The following PTPRN2 variants were observed in gnomAD, a reference collection of about 807,000 sequenced individuals.
The protein encoded by PTPRN2 is receptor-type tyrosine-protein phosphatase N2.
Under a neutral mutation model 118.8 loss-of-function variants are expected in PTPRN2, and 74 were observed. That is an observed-to-expected ratio of 0.62 (90% confidence interval 0.52 to 0.76). The LOEUF (loss-of-function observed/expected upper bound fraction) is 0.76, where lower values mean the gene tolerates loss of function less well. Among genes scored for constraint, PTPRN2 ranks in the 30% least tolerant of loss-of-function variants. PTPRN2 has a pLI of 0.00. For missense variants in PTPRN2, 1,481 were observed against 1,394.4 expected (o/e 1.06, Z -0.99); for synonymous variants, 641 against 608.0 (o/e 1.05, Z -0.80).
chr7:158,130,835 T>TAC (rs1331198415), intron 9 of PTPRN2, among the ~76,000 whole-genome samples: 1 of 143,044 alleles, frequency 7.0e-6, no homozygotes, highest in Admixed American at 7.0e-5. Flanking sequence ...CACACGTACA[T>TAC]ACACACACAT....
chr7:158,047,041 C>T lies in PTPRN2; in HGVS notation c.1723+34257G>A, dbSNP rs1808931705. On this transcript the variant is annotated intron_variant, in intron 11 of 22. Coordinates refer to ENST00000389418, the MANE Select transcript of PTPRN2 (RefSeq NM_002847.5). ...GGCCTGGCCTAAAAACGCCCCCGCC[C>T]CTCGCCCCGGAATGGAGCCTCCAGA... Among the ~76,000 whole-genome samples, 3 of 152,248 alleles carry T rather than the reference C, an allele frequency of 2.0e-5. 1 individual carries two copies.
chr7:158,336,687 G>A (rs367993665), intron 2 of PTPRN2, among the ~76,000 whole-genome samples: 181 of 76,684 alleles, frequency 2.4e-3, no homozygotes, highest in Non-Finnish European at 3.6e-3. Flanking sequence ...AAGAGCTGAC[G>A]CCCGCAGACG....
Position 157,540,681 on chromosome 7 carries a change from T to A in PTPRN2, c.*33A>T. ...ATGATTCCTGACAACATCCGTGGGGTGGGGGCTCCCCTGAGGCCCCTGAGG... is the reference window on the plus strand; with the variant it reads ...ATGATTCCTGACAACATCCGTGGGGAGGGGGCTCCCCTGAGGCCCCTGAGG... On this transcript the variant is annotated 3_prime_UTR_variant, in exon 23 of 23. Coordinates refer to ENST00000389418, the MANE Select transcript of PTPRN2 (RefSeq NM_002847.5). 2.0e-6 allele frequency: 3 copies of A among 1,479,126 alleles called. No homozygotes were observed. The highest frequency in any genetic ancestry group is 2.8e-6 in the Non-Finnish European group (3 of 1,082,388). The allele number at this position is 1,479,126 out of a possible 1,614,324, so 91.6% of individuals were successfully genotyped here.
chr7:158,487,172 G>A (rs901297096), intron 2 of PTPRN2, among the ~76,000 whole-genome samples: 6 of 152,294 alleles, frequency 3.9e-5, no homozygotes, highest in East Asian at 1.9e-4. Flanking sequence ...TTGTCCATTC[G>A]CCCATCAGTG....
chr7:158,273,424 G>C (rs1436378889), intron 3 of PTPRN2, among the ~76,000 whole-genome samples: 1 of 146,370 alleles, frequency 6.8e-6, no homozygotes, highest in African/African-American at 2.6e-5. Flanking sequence ...ACAGACGCGG[G>C]AGGAGCCGCA....
intron 12 of PTPRN2, among the ~76,000 whole-genome samples, chr7:157,725,289 G>A (rs1288712179): frequency 7.6e-6 from 1 of 131,220 alleles, no homozygotes; most frequent in African/African-American, 3.3e-5. Context: ...CAGGAGAACT[G>A]GATACCTACA....
At chr7:158,397,403 C>A (rs1255420228) in intron 2 of PTPRN2, among the ~76,000 whole-genome samples, 1 of 152,212 alleles carries the variant, frequency 6.6e-6, no homozygotes, top group Non-Finnish European at 1.5e-5. Context: ...TGTGAACCAG[C>A]CTCAGGGTTG....
intron 6 of PTPRN2, among the ~76,000 whole-genome samples, chr7:158,140,534 G>A (rs1222499656): frequency 2.0e-5 from 3 of 152,192 alleles, no homozygotes; most frequent in East Asian, 1.9e-4. Context: ...CCACAGAGAC[G>A]AGAAGGGGGA....
At chr7:158,090,655 TA>T (rs1814040491) in intron 10 of PTPRN2, among the ~76,000 whole-genome samples, 1 of 152,242 alleles carries the variant, frequency 6.6e-6, no homozygotes, top group Non-Finnish European at 1.5e-5. Context: ...GCTTGTGTTC[TA>T]GGATACTCCT....
At chr7:157,667,617 T>A (rs1466454634) in intron 13 of PTPRN2, among the ~76,000 whole-genome samples, 1 of 152,348 alleles carries the variant, frequency 6.6e-6, no homozygotes, top group African/African-American at 2.4e-5. Flanking sequence ...CCCTGCCTCC[T>A]CCCTCTCAGT....
intron 12 of PTPRN2, among the ~76,000 whole-genome samples, chr7:157,823,168 G>A (rs190406654): frequency 1.3e-4 from 20 of 152,186 alleles, no homozygotes; most frequent in African/African-American, 4.6e-4. Flanking sequence ...CATCCATCCA[G>A]ATTTCTATTG....
intron 2 of PTPRN2, among the ~76,000 whole-genome samples, chr7:158,374,730 C>T (rs984588929): frequency 2.0e-5 from 3 of 152,152 alleles, no homozygotes; most frequent in African/African-American, 7.2e-5. Flanking sequence ...TCCAGAACAG[C>T]AAGCTTTAGA....
At chr7:158,399,621 A>C (rs1280770841) in intron 2 of PTPRN2, among the ~76,000 whole-genome samples, 1 of 152,214 alleles carries the variant, frequency 6.6e-6, no homozygotes, top group Non-Finnish European at 1.5e-5. Flanking sequence ...AAGCCACTGC[A>C]CTGCAGCCTG....
intron 2 of PTPRN2, among the ~76,000 whole-genome samples, chr7:158,435,458 G>A (rs1181015639): frequency 1.3e-5 from 2 of 152,140 alleles, no homozygotes; most frequent in Non-Finnish European, 2.9e-5. Context: ...ATGAGTATTG[G>A]TGAAGACTGT....
chr7:158,409,261 C>T (rs1373480383), intron 2 of PTPRN2, among the ~76,000 whole-genome samples: 1 of 152,198 alleles, frequency 6.6e-6, no homozygotes. Context: ...CCTCTGCAGC[C>T]AGAAGCCAGC....
chr7:157,963,690 C>T (rs1801697678), intron 11 of PTPRN2, among the ~76,000 whole-genome samples: 3 of 152,214 alleles, frequency 2.0e-5, no homozygotes, highest in Admixed American at 2.0e-4. Context: ...CATGCCCTCA[C>T]CCCATCCCCA....
chr7:158,322,606 G>A (rs571778601), intron 2 of PTPRN2, among the ~76,000 whole-genome samples: 5 of 152,362 alleles, frequency 3.3e-5, no homozygotes, highest in South Asian at 2.1e-4. Context: ...GAGCAGCTCC[G>A]TGCATGGCAG....
intron 2 of PTPRN2, among the ~76,000 whole-genome samples, chr7:158,365,966 A>T (rs992924660): frequency 6.9e-6 from 1 of 145,204 alleles, no homozygotes; most frequent in African/African-American, 2.6e-5. Context: ...ACATGCACAC[A>T]TGCACACACA....
At chr7:157,776,317 C>CTCTCCTCCTCCTCCA (rs1342308132) in intron 12 of PTPRN2, among the ~76,000 whole-genome samples, 1 of 114,396 alleles carries the variant, frequency 8.7e-6, no homozygotes, top group Non-Finnish European at 1.8e-5. Flanking sequence ...CTCTTCCTCC[C>CTCTCCTCCTCCTCCA]TCTCCTCCTC....
Sources: gnomAD v4.1 joint callset for allele counts (sites outside exome capture counted in the v4.1 genomes callset) on GRCh38, gnomAD v4.1.1 for gene constraint, MANE v1.5 for transcripts, NCBI Gene and HGNC (gene_info 2026-07-23, HGNC 2026-07-21) for gene names.